The following NLRP14 variants were observed in gnomAD, a reference collection of about 807,000 sequenced individuals.
NLRP14 encodes NACHT, LRR and PYD domains-containing protein 14.
In NLRP14, 105 loss-of-function variants were observed where a neutral mutation model predicts 94.7. The ratio of observed to expected loss-of-function variants is 1.11; its 90% CI spans 0.95 to 1.30. The LOEUF is 1.30. Among genes scored for constraint, NLRP14 ranks in the 50% most tolerant of loss-of-function variants. NLRP14 has a pLI of 0.00. For synonymous variants in NLRP14, 508 were observed against 459.9 expected, an observed-to-expected ratio of 1.10 and a Z score of -1.34; for missense variants, 1,362 against 1,254.1, an observed-to-expected ratio of 1.09 and a Z score of -1.30.
At chr11:7,075,100 G>C (rs1589878872), downstream of NLRP14, among the ~76,000 whole-genome samples, 1 of 152,212 alleles carries the variant, frequency 6.6e-6, no homozygotes, top group African/African-American at 2.4e-5. Context: ...TAAGGGGAGG[G>C]AGTAATGTGG....
chr11:7,070,165 A>G (rs1255732112), intron 10 of NLRP14, 121 bp from the exon 11 acceptor site: 7 of 721,308 alleles, frequency 9.7e-6, no homozygotes, highest in Admixed American at 2.0e-5. Context: ...AATTTATACT[A>G]ACTGTGCTCA....
chr11:7,049,871 T>A, intron 6 of NLRP14, 33 bp downstream of exon 6: 1 of 1,587,242 alleles, frequency 6.3e-7, no homozygotes. Flanking sequence ...TTGTTTTGTT[T>A]TTATAATTGA....
intron 1 of NLRP14, among the ~76,000 whole-genome samples, chr11:7,023,489 TATAA>T (rs1422521526): frequency 2.1e-5 from 3 of 143,354 alleles, no homozygotes; most frequent in Non-Finnish European, 4.6e-5. Flanking sequence ...AATATATAAG[TATAA>T]ATATATAAAA....
chr11:7,084,142 T>C, the NLRP14 span, among the ~76,000 whole-genome samples: 7 of 152,342 alleles, frequency 4.6e-5, no homozygotes, highest in East Asian at 3.9e-4. Flanking sequence ...CAAACAACTT[T>C]CTGCTAGTCA....
intron 9 of NLRP14, among the ~76,000 whole-genome samples, chr11:7,060,555 C>G (rs1310643661): frequency 6.6e-6 from 1 of 151,982 alleles, no homozygotes; most frequent in Non-Finnish European, 1.5e-5. Context: ...TGTGTGTCCT[C>G]TACTTTTATC....
chr11:7,034,738 T>G (rs926704807), intron 1 of NLRP14, among the ~76,000 whole-genome samples: 1 of 152,198 alleles, frequency 6.6e-6, no homozygotes, highest in African/African-American at 2.4e-5. Context: ...CTTTCCTAAG[T>G]TGTGATGAAT....
chr11:7,051,884 G>A (rs1269797284), intron 6 of NLRP14, among the ~76,000 whole-genome samples: 6 of 152,218 alleles, frequency 3.9e-5, no homozygotes, highest in African/African-American at 1.4e-4. Context: ...GCCTCCCAAA[G>A]TGCTGGGATT....
chr11:7,049,669 A>C lies in NLRP14; in HGVS notation c.2124-2A>C. 1.2e-6 allele frequency: 2 copies of C among 1,609,044 alleles called. No homozygotes were observed. Among genetic ancestry groups the C allele is most frequent in the Non-Finnish European group, 1.7e-6 (2 of 1,175,490 alleles). ...TACCTCCTGCATATTTTTCTTCTGA[A>C]GGTTGAAATTTATCACTTTCCCTGA... On this transcript the variant is annotated splice_acceptor_variant, in intron 5 of 11. Coordinates refer to ENST00000299481, the MANE Select transcript of NLRP14 (RefSeq NM_176822.4). LOFTEE classifies it high-confidence loss of function.
chr11:7,061,500 C>G (rs534075918), intron 9 of NLRP14, among the ~76,000 whole-genome samples: 1 of 152,094 alleles, frequency 6.6e-6, no homozygotes, highest in East Asian at 1.9e-4. Context: ...ATTCTCTTAA[C>G]CAATATTTTC....
At chr11:7,049,053 G>A (rs969069784) in intron 5 of NLRP14, among the ~76,000 whole-genome samples, 1 of 152,048 alleles carries the variant, frequency 6.6e-6, no homozygotes, top group African/African-American at 2.4e-5. Context: ...GAGGAAAGGT[G>A]GTGTTACAAA....
At chr11:7,074,389 A>G (rs1364966422), downstream of NLRP14, among the ~76,000 whole-genome samples, 2 of 152,214 alleles carry the variant, frequency 1.3e-5, no homozygotes, top group African/African-American at 4.8e-5. Flanking sequence ...TGGGGCTATT[A>G]TAACAAACAC....
chr11:7,068,315 A>G (rs1440317584), intron 10 of NLRP14, among the ~76,000 whole-genome samples: 7 of 152,118 alleles, frequency 4.6e-5, no homozygotes, highest in Non-Finnish European at 7.4e-5. Context: ...AGACATACAT[A>G]TTCCCTTTCT....
chr11:7,086,951 C>G, the NLRP14 span, among the ~76,000 whole-genome samples: 1 of 152,150 alleles, frequency 6.6e-6, no homozygotes, highest in Non-Finnish European at 1.5e-5. Context: ...CCTATAGACA[C>G]TAAATATAAT....
intron 10 of NLRP14, among the ~76,000 whole-genome samples, chr11:7,064,922 C>G (rs981627539): frequency 2.0e-5 from 3 of 151,590 alleles, no homozygotes; most frequent in Non-Finnish European, 4.4e-5. Flanking sequence ...GGATCTGTTC[C>G]TGGGTTCTGT....
Position 7,058,356 on chromosome 11 carries a change from C to G in NLRP14, c.2539C>G (p.His847Asp). Residue 847 changes from histidine to aspartate, a missense_variant, in exon 8 of 12, where the codon CAT (histidine) becomes GAT (aspartate). His to Asp is a moderately conservative substitution (Grantham distance 81). Transcript: ENST00000299481. The part of the protein sequence containing the change: ...LALISNKRLT[H>D]LCLADNVLGD... ...TCTCATCAGCAATAAAAGACTGACA[C>G]ATTTGTGCTTGGCAGACAATGTCTT... The G allele has an allele frequency of 6.2e-7, 1 of 1,612,690 alleles. No individual in the cohort carries two copies. The highest frequency in any genetic ancestry group is 8.5e-7 in the Non-Finnish European group (1 of 1,178,932).
rs142331696 is a variant in NLRP14 at position 7,039,780 on chromosome 11, T to A, written c.356T>A (p.Val119Glu). 1.7e-5 allele frequency: 27 copies of A among 1,613,064 alleles called. No individual in the cohort carries two copies. The Admixed American group carries it at 3.8e-4, about 23-fold the overall frequency. ...AGETQEDQEA[V>E]LGDGTEYRNR... ...GAGACACAAGAAGATCAGGAGGCAGTGCTGGGTGAGTAGTTAGGCCTTTCA... is the reference window on the plus strand; with the variant it reads ...GAGACACAAGAAGATCAGGAGGCAGAGCTGGGTGAGTAGTTAGGCCTTTCA... The change falls in exon 3 of 12, where the codon GTG becomes GAG. Residue 119 changes from valine to glutamate, a missense_variant. Val to Glu is a moderately radical substitution (Grantham distance 121). Coordinates refer to ENST00000299481, the MANE Select transcript of NLRP14 (RefSeq NM_176822.4).
intron 1 of NLRP14, among the ~76,000 whole-genome samples, chr11:7,030,503 A>T (rs575211079): frequency 6.6e-6 from 1 of 152,256 alleles, no homozygotes; most frequent in African/African-American, 2.4e-5. Flanking sequence ...TTCAAAGAGA[A>T]ATAGGACCCA....
At chr11:7,078,779 A>G in the NLRP14 span, among the ~76,000 whole-genome samples, 3 of 151,894 alleles carry the variant, frequency 2.0e-5, no homozygotes, top group Admixed American at 1.3e-4. Flanking sequence ...CAAGAGTGAC[A>G]CTCCGTCTCA....
At chr11:7,085,739 A>G in the NLRP14 span, among the ~76,000 whole-genome samples, 1 of 152,230 alleles carries the variant, frequency 6.6e-6, no homozygotes, top group Admixed American at 6.5e-5. Context: ...TGGATTACTG[A>G]TAATACCTAA....
Sources: gnomAD v4.1 joint callset for allele counts (sites outside exome capture counted in the v4.1 genomes callset) on GRCh38, gnomAD v4.1.1 for gene constraint, MANE v1.5 for transcripts, NCBI Gene and HGNC (gene_info 2026-07-23, HGNC 2026-07-21) for gene names.